ADGRG6: variants seen among roughly 807,000 people sequenced by gnomAD.
ADGRG6 encodes G-protein coupled receptor 126.
Under a neutral mutation model 142.4 loss-of-function variants are expected in ADGRG6, and 84 were observed. The ratio of observed to expected loss-of-function variants is 0.59; its 90% CI spans 0.49 to 0.71. The LOEUF is 0.71. Ranked by LOEUF, ADGRG6 falls within the 30% of genes least tolerant of loss-of-function variation. ADGRG6 has a pLI of 0.00. For missense variants in ADGRG6, 1,367 were observed against 1,466.6 expected, an observed-to-expected ratio of 0.93 and a Z score of 1.11; for synonymous variants, 521 against 520.5, an observed-to-expected ratio of 1.00 and a Z score of -0.01.
At chr6:142,315,034 A>G (rs1777968454) in intron 2 of ADGRG6, among the ~76,000 whole-genome samples, 1 of 149,626 alleles carries the variant, frequency 6.7e-6, no homozygotes, top group Non-Finnish European at 1.5e-5. Flanking sequence ...TTGTGCACAT[A>G]GTTTTAATTG....
chr6:142,383,328 C>A (rs894870246), intron 5 of ADGRG6, among the ~76,000 whole-genome samples: 2 of 152,152 alleles, frequency 1.3e-5, no homozygotes, highest in Non-Finnish European at 2.9e-5. Flanking sequence ...TCTCTAGTCT[C>A]AGTGTATTAG....
intron 4 of ADGRG6, among the ~76,000 whole-genome samples, chr6:142,373,505 A>G (rs995751472): frequency 1.3e-5 from 2 of 152,196 alleles, no homozygotes; most frequent in African/African-American, 4.8e-5. Context: ...AGAGGTTGGC[A>G]AATTAGGAGG....
intron 2 of ADGRG6, among the ~76,000 whole-genome samples, chr6:142,360,602 A>G (rs931548075): frequency 6.6e-5 from 10 of 152,122 alleles, no homozygotes; most frequent in Non-Finnish European, 1.0e-4. Context: ...CTGTTTCTCA[A>G]AAGTCTGGTT....
intron 22 of ADGRG6, among the ~76,000 whole-genome samples, chr6:142,427,737 G>A (rs1020392478): frequency 2.0e-5 from 3 of 152,214 alleles, no homozygotes; most frequent in African/African-American, 4.8e-5. Flanking sequence ...GACTGGGGAA[G>A]CCTCACAATC....
intron 24 of ADGRG6, among the ~76,000 whole-genome samples, chr6:142,439,734 G>GA (rs952696207): frequency 5.6e-4 from 85 of 151,474 alleles, no homozygotes; most frequent in African/African-American, 2.0e-3. Flanking sequence ...TTCTCTTCCA[G>GA]AAAAAAAAGG....
At chr6:142,345,798 T>A (rs936092352) in intron 2 of ADGRG6, among the ~76,000 whole-genome samples, 5 of 152,172 alleles carry the variant, frequency 3.3e-5, no homozygotes, top group African/African-American at 1.2e-4. Flanking sequence ...TTTGACTATT[T>A]CAGTAGTCAA....
At chr6:142,383,640 A>G (rs896704693) in intron 5 of ADGRG6, 120 bp from the exon 6 acceptor site, 6 of 620,588 alleles carry the variant, frequency 9.7e-6, no homozygotes, top group African/African-American at 7.4e-5. Context: ...AGTCTTTTGT[A>G]TTTCAAAGTG....
intron 2 of ADGRG6, among the ~76,000 whole-genome samples, chr6:142,310,525 T>C (rs1777714053): frequency 6.6e-6 from 1 of 151,698 alleles, no homozygotes; most frequent in African/African-American, 2.4e-5. Context: ...ATTTCATATT[T>C]ATAATATATA....
At chr6:142,393,292 G>A (rs1210102994) in intron 8 of ADGRG6, among the ~76,000 whole-genome samples, 1 of 152,088 alleles carries the variant, frequency 6.6e-6, no homozygotes, top group Non-Finnish European at 1.5e-5. Context: ...GAAGTTGTTA[G>A]TTTCTTCTCA....
At chr6:142,307,689 C>T (rs957366581) in intron 1 of ADGRG6, among the ~76,000 whole-genome samples, 1 of 152,060 alleles carries the variant, frequency 6.6e-6, no homozygotes, top group Non-Finnish European at 1.5e-5. Flanking sequence ...TGAGAGTCCA[C>T]ATCCATTATT....
At chr6:142,404,940 A>G (rs9496371) in intron 14 of ADGRG6, among the ~76,000 whole-genome samples, 2,538 of 152,286 alleles carry the variant, frequency 0.017, 79 homozygotes, top group African/African-American at 0.057. Flanking sequence ...TCAAGTTCCT[A>G]CTACATGCCA....
At chr6:142,389,944 TAAC>T (rs1407431893) in intron 6 of ADGRG6, among the ~76,000 whole-genome samples, 1 of 151,852 alleles carries the variant, frequency 6.6e-6, no homozygotes. Flanking sequence ...TGAAAACAGT[TAAC>T]ACATTACAGA....
At chr6:142,326,262 C>T (rs1474940431) in intron 2 of ADGRG6, among the ~76,000 whole-genome samples, 10 of 149,506 alleles carry the variant, frequency 6.7e-5, no homozygotes, top group Non-Finnish European at 1.5e-4. Context: ...TGGGATACAT[C>T]AAAACAAATT....
chr6:142,394,067 A>G, intron 9 of ADGRG6, 109 bp downstream of exon 9: 1 of 714,014 alleles, frequency 1.4e-6, no homozygotes, highest in Non-Finnish European at 2.4e-6. Flanking sequence ...TTAATCACAT[A>G]GCACAGTTAT....
At chr6:142,417,993 G>T (rs554369862) in intron 21 of ADGRG6, among the ~76,000 whole-genome samples, 1 of 152,156 alleles carries the variant, frequency 6.6e-6, no homozygotes, top group South Asian at 2.1e-4. Flanking sequence ...CATATCTCAT[G>T]GATGGATAAC....
At chr6:142,368,310 A>C (rs1188222040) in intron 3 of ADGRG6, among the ~76,000 whole-genome samples, 3 of 152,200 alleles carry the variant, frequency 2.0e-5, no homozygotes, top group African/African-American at 7.2e-5. Context: ...GGTAGGGAAC[A>C]AATACAGAAA....
intron 10 of ADGRG6, 134 bp downstream of exon 10, chr6:142,397,889 CAAAT>C (rs139422776): frequency 1.3e-4 from 66 of 517,696 alleles, no homozygotes; most frequent in South Asian, 1.8e-4. Flanking sequence ...AGTTCAGTAA[CAAAT>C]GAATGACATA....
At chr6:142,432,355 A>G (rs1421123002) in intron 22 of ADGRG6, among the ~76,000 whole-genome samples, 2 of 152,194 alleles carry the variant, frequency 1.3e-5, no homozygotes, top group Non-Finnish European at 2.9e-5. Context: ...AAATAGTAAA[A>G]TAACCTGTTA....
chr6:142,388,724 C>T (rs1159894762), intron 6 of ADGRG6, among the ~76,000 whole-genome samples: 2 of 151,988 alleles, frequency 1.3e-5, no homozygotes, highest in Non-Finnish European at 2.9e-5. Flanking sequence ...GTGAAATGGT[C>T]ATATGGGTAC....
Sources: gnomAD v4.1 joint callset for allele counts (sites outside exome capture counted in the v4.1 genomes callset) on GRCh38, gnomAD v4.1.1 for gene constraint, MANE v1.5 for transcripts, NCBI Gene and HGNC (gene_info 2026-07-23, HGNC 2026-07-21) for gene names.